The following PNPLA5 variants were observed in gnomAD, a reference collection of about 807,000 sequenced individuals.
The protein encoded by PNPLA5 is patatin like domain 5, triacylglycerol lipase.
In PNPLA5, 44 loss-of-function variants were observed where a neutral mutation model predicts 49.1. The ratio of observed to expected loss-of-function variants is 0.90; its 90% CI spans 0.70 to 1.15. The LOEUF (loss-of-function observed/expected upper bound fraction) is 1.15, where lower values mean the gene tolerates loss of function less well. PNPLA5 is among the 50% of genes most tolerant of loss of function. The pLI, the probability that PNPLA5 is intolerant of heterozygous loss-of-function variation, is 0.00. For missense variants in PNPLA5, 603 were observed against 564.0 expected (o/e 1.07, Z -0.70); for synonymous variants, 243 against 244.4 (o/e 0.99, Z 0.06).
intron 6 of PNPLA5, among the ~76,000 whole-genome samples, chr22:43,886,096 G>C (rs544826756): frequency 4.6e-5 from 7 of 152,196 alleles, no homozygotes; most frequent in Non-Finnish European, 1.0e-4. Context: ...AAGTGGGTAC[G>C]AATAATGCCT....
intron 7 of PNPLA5, 104 bp downstream of exon 7, chr22:43,884,109 C>CACAGG: frequency 1.2e-6 from 1 of 855,928 alleles, no homozygotes; most frequent in Non-Finnish European, 1.7e-6. Context: ...CTCCCCCCAC[C>CACAGG]CCGCCGAGCC....
At position 43,886,303 on chromosome 22, in the gene PNPLA5, C is replaced by G; in HGVS notation, c.949G>C (p.Ala317Pro). The change falls in exon 6 of 9, where the codon GCA becomes CCA. Residue 317 changes from alanine (A) to proline (P), a missense_variant and splice_region_variant. Transcript: ENST00000216177. ...GAGCAAATGCAGGTAGAGTCCCTAC[C>G]AGCCTCCAGCTCTGGTGAGAGCTGC... is the stretch of plus-strand genomic sequence containing the variant. Reference protein sequence around the residue: ...FEQLSPELEAALKKACTRDPS... With the variant: ...FEQLSPELEAPLKKACTRDPS... The G allele has an allele frequency of 1.2e-6, 2 of 1,611,084 alleles. No individual in the cohort carries two copies. Among genetic ancestry groups the G allele is most frequent in the Admixed American group, 3.3e-5 (2 of 59,836 alleles).
At chr22:43,888,295 C>T (rs1020022829) in intron 4 of PNPLA5, among the ~76,000 whole-genome samples, 27 of 151,004 alleles carry the variant, frequency 1.8e-4, no homozygotes, top group African/African-American at 5.1e-4. Flanking sequence ...GACTTTGTCT[C>T]GTGACTTAGA....
In PNPLA5 at chr22:43,889,168, C is replaced by T. The variant is rs910160512; in HGVS notation, c.702+161G>A. Among the ~76,000 whole-genome samples, 3 of 152,154 alleles carry T rather than the reference C, an allele frequency of 2.0e-5. No homozygotes were observed. In the South Asian group the frequency reaches 6.2e-4, roughly 32 times the overall value. On this transcript the variant is annotated intron_variant, in intron 4 of 8. Coordinates refer to ENST00000216177, the MANE Select transcript of PNPLA5 (RefSeq NM_138814.4). Reference sequence around the variant, plus strand: ...CAAGAACAGTAAGGACACAACTGAACCCCAAGCTTAGGATTCAGGTGTTTG... The same window carrying T: ...CAAGAACAGTAAGGACACAACTGAATCCCAAGCTTAGGATTCAGGTGTTTG...
intron 1 of PNPLA5, 182 bp downstream of exon 1, chr22:43,891,506 G>C (rs1603413197): frequency 3.5e-6 from 3 of 868,928 alleles, no homozygotes; most frequent in Non-Finnish European, 4.1e-6. Flanking sequence ...TCTGAGCCAC[G>C]ATCCCTCCTC....
At position 43,880,717 on chromosome 22, in the gene PNPLA5, C is replaced by T; in HGVS notation, c.*78G>A. 8.2e-7 allele frequency: 1 copy of T among 1,213,450 alleles called. No homozygotes were observed. The highest frequency in any genetic ancestry group is 1.6e-5 in the African/African-American group (1 of 63,922). The allele number at this position is 1,213,450 out of a possible 1,614,324, so 75.2% of individuals were successfully genotyped here. ...TTGGCAGGGCCTCTTCCCGCTGGGG[C>T]AGATGTGGGCACACAGGACAAAGGC... is the stretch of plus-strand genomic sequence containing the variant. On this transcript the variant is annotated 3_prime_UTR_variant, in exon 9 of 9. Coordinates refer to ENST00000216177, the MANE Select transcript of PNPLA5 (RefSeq NM_138814.4).
At chr22:43,883,334 C>A (rs1205311539) in intron 7 of PNPLA5, among the ~76,000 whole-genome samples, 1 of 152,226 alleles carries the variant, frequency 6.6e-6, no homozygotes, top group Non-Finnish European at 1.5e-5. Context: ...TCCACCAGGC[C>A]AGGAGCTGGG....
Position 43,889,406 on chromosome 22 carries a change from C to T in PNPLA5, c.625G>A (p.Val209Ile), listed in dbSNP as rs758555944. The T allele has an allele frequency of 3.1e-5, 50 of 1,613,868 alleles. No homozygotes were observed. The highest frequency in any genetic ancestry group is 1.6e-4 in the Middle Eastern group (1 of 6,084). The change falls in exon 4 of 9, where the codon GTC becomes ATC. Residue 209 changes from valine (V) to isoleucine (I), a missense_variant. By Grantham distance (29) the Val-to-Ile change is conservative (BLOSUM62 3). Transcript: ENST00000216177. ...GAGATTTGGAAGCTGAAGTTGAAGACGTTCAGCTCATGCAGGTTGGGGGAG... is the reference window on the plus strand; with the variant it reads ...GAGATTTGGAAGCTGAAGTTGAAGATGTTCAGCTCATGCAGGTTGGGGGAG... ...STSPNLHELN[V>I]FNFSFQISTE...
At chr22:43,889,933 G>A (rs745661154) in intron 2 of PNPLA5, 69 bp from the exon 3 acceptor site, 14 of 1,572,722 alleles carry the variant, frequency 8.9e-6, no homozygotes, top group Admixed American at 1.9e-5. Context: ...TCCTAGGCAC[G>A]GTTTCTAATC....
At position 43,889,205 on chromosome 22, in the gene PNPLA5, C is replaced by T. The variant is rs186857729; in HGVS notation, c.702+124G>A. On this transcript the variant is annotated intron_variant, in intron 4 of 8. Transcript: ENST00000216177. ...GATTCAGGTGTTTGGCTGTGAGACTCGGGACATGTGTTGTAACTGCCTTCA... is the reference window on the plus strand; with the variant it reads ...GATTCAGGTGTTTGGCTGTGAGACTTGGGACATGTGTTGTAACTGCCTTCA... 68 of 1,079,406 alleles carry T rather than the reference C, an allele frequency of 6.3e-5. No homozygotes were observed. In the Admixed American group the frequency reaches 9.8e-4, roughly 16 times the overall value. The allele number at this position is 1,079,406 out of a possible 1,614,324, so 66.9% of individuals were successfully genotyped here.
rs1352088390 is a variant in PNPLA5, at chr22:43,886,504, G to A, written c.764-16C>T. Reference sequence around the variant, plus strand: ...TTGGTGAGTCCTGGGTCAGGGGAAGGGAGAGGATAAGTCAAGCATCTGAGC... The same window carrying A: ...TTGGTGAGTCCTGGGTCAGGGGAAGAGAGAGGATAAGTCAAGCATCTGAGC... On this transcript the variant is annotated splice_polypyrimidine_tract_variant and intron_variant, in intron 5 of 8. Transcript: ENST00000216177. The A allele has an allele frequency of 6.2e-7, 1 of 1,602,966 alleles. No homozygotes were observed. Among genetic ancestry groups the A allele is most frequent in the Non-Finnish European group, 8.5e-7 (1 of 1,174,964 alleles).
In PNPLA5 at chr22:43,887,528, A is replaced by C. The variant is rs2049678004; in HGVS notation, c.763+63T>G. On this transcript the variant is annotated intron_variant, in intron 5 of 8. Coordinates refer to ENST00000216177, the MANE Select transcript of PNPLA5 (RefSeq NM_138814.4). ...GTCCCTAGCAGCTCAAAGGCCCAAG[A>C]GGCAGGGTCTACCTGGCACCATGTG... 1.9e-6 allele frequency: 3 copies of C among 1,567,670 alleles called. No individual in the cohort carries two copies. In the Admixed American group the frequency reaches 5.5e-5, roughly 29 times the overall value.
intron 6 of PNPLA5, among the ~76,000 whole-genome samples, chr22:43,886,028 G>T (rs1028239022): frequency 6.6e-6 from 1 of 152,240 alleles, no homozygotes; most frequent in Non-Finnish European, 1.5e-5. Context: ...CCTAGTTGCA[G>T]GCTCTGAGCC....
intron 7 of PNPLA5, 107 bp downstream of exon 7, chr22:43,884,106 C>A (rs979883002): frequency 1.7e-5 from 16 of 943,358 alleles, no homozygotes; most frequent in Middle Eastern, 3.6e-4. Flanking sequence ...GGGCTCCCCC[C>A]ACCCCGCCGA....
chr22:43,890,414 C>T (rs955474776), intron 2 of PNPLA5, among the ~76,000 whole-genome samples: 8 of 152,162 alleles, frequency 5.3e-5, no homozygotes, highest in Non-Finnish European at 1.2e-4. Context: ...TACAGGACAC[C>T]TAACAATGTC....
rs186999727 is a variant in PNPLA5 at position 43,884,346 on chromosome 22, C to T, written c.950-1G>A. 2 of 1,558,044 alleles carry T rather than the reference C, an allele frequency of 1.3e-6. No individual in the cohort carries two copies. The highest frequency in any genetic ancestry group is 3.8e-5 in the Admixed American group (2 of 52,764). ...TCCCTCGTACATGCTTTCTTCAGTG[C>T]TGCAAGAGAAGCCCTGGCATGGCCC... On this transcript the variant is annotated splice_acceptor_variant, in intron 6 of 8. Transcript: ENST00000216177. LOFTEE classifies it high-confidence loss of function.
intron 7 of PNPLA5, 48 bp from the exon 8 acceptor site, chr22:43,881,722 G>GC: frequency 1.9e-6 from 3 of 1,588,356 alleles, no homozygotes; most frequent in Non-Finnish European, 2.6e-6. Flanking sequence ...CTGGGGTGTG[G>GC]CCCCACCAAG....
rs752931188 is a variant in PNPLA5, at chr22:43,889,820, G to GCTC, written c.470_471insGAG (p.Ile157delinsMetSer). ...TCACCTCCCCTCTGAACTCGGGGGGGATCAGCCCGCAGTAGAAAGGAAAGT... is the reference window on the plus strand; with the variant it reads ...TCACCTCCCCTCTGAACTCGGGGGGGCTCATCAGCCCGCAGTAGAAAGGAAAGT... On this transcript the variant is annotated protein_altering_variant, in exon 3 of 9. Coordinates refer to ENST00000216177, the MANE Select transcript of PNPLA5 (RefSeq NM_138814.4). The GCTC allele has an allele frequency of 3.1e-6, 5 of 1,613,350 alleles. No homozygotes were observed. In the Admixed American group the frequency reaches 8.3e-5, roughly 27 times the overall value.
At chr22:43,885,548 C>CCAGG (rs2049655584) in intron 6 of PNPLA5, among the ~76,000 whole-genome samples, 1 of 152,146 alleles carries the variant, frequency 6.6e-6, no homozygotes. Flanking sequence ...CTCACCAACC[C>CCAGG]CAGGACCTTT....
Sources: allele counts gnomAD v4.1 joint callset (sites outside exome capture counted in the v4.1 genomes callset), GRCh38; gene constraint gnomAD v4.1.1; transcripts MANE v1.5; gene names NCBI Gene and HGNC (gene_info 2026-07-23, HGNC 2026-07-21).